UBE2T: variants seen among roughly 807,000 people sequenced by gnomAD.
The protein encoded by UBE2T is ubiquitin conjugating enzyme E2 T, also known as ubiquitin-conjugating enzyme E2 T.
A neutral mutation model predicts 23.3 loss-of-function variants in UBE2T; 15 were observed. The observed-to-expected ratio is 0.64, with a 90% confidence interval of 0.43 to 0.99. The LOEUF is 0.99. Among genes scored for constraint, UBE2T ranks in the 50% least tolerant of loss-of-function variants. The pLI, the probability that UBE2T is intolerant of heterozygous loss-of-function variation, is 0.00. For missense variants in UBE2T, 197 were observed against 234.9 expected (o/e 0.84, Z 1.05); for synonymous variants, 67 against 78.4 (o/e 0.85, Z 0.77).
intron 1 of UBE2T, among the ~76,000 whole-genome samples, chr1:202,336,474 A>G (rs75294416): frequency 6.6e-6 from 1 of 152,266 alleles, no homozygotes; most frequent in Non-Finnish European, 1.5e-5. Context: ...ACAAGCAAAT[A>G]TATTTTTAAA....
Position 202,335,632 on chromosome 1 carries a change from G to A in UBE2T, c.109+14C>T. ...GGGTCATGACTTTCATCATATACAT[G>A]ATTTGATACCTACGAGCTCGCAGGT... On this transcript the variant is annotated intron_variant, in intron 2 of 6. Transcript: ENST00000646651. This position sits in a 1 kb window ranked among gnomAD's most constrained non-coding sequence, Gnocchi z 4.0. 2.5e-6 allele frequency: 4 copies of A among 1,606,408 alleles called. No homozygotes were observed. Among genetic ancestry groups the A allele is most frequent in the Non-Finnish European group, 3.4e-6 (4 of 1,173,486 alleles).
At position 202,331,939 on chromosome 1, in the gene UBE2T, C is replaced by T. The variant is rs767237410; in HGVS notation, c.490G>A (p.Asp164Asn). 2 of 1,613,940 alleles carry T rather than the reference C, an allele frequency of 1.2e-6. No individual in the cohort carries two copies. Among genetic ancestry groups the T allele is most frequent in the African/African-American group, 2.7e-5 (2 of 74,906 alleles). ...GAGTCACCAGCCTCTGGTAGATTAT[C>T]AAGCATCTCTTCCTCATCAGCCTAA... ...KQKADEEEML[D>N]NLPEAGDSRV... The change falls in exon 7 of 7, where the codon GAT (aspartate) becomes AAT (asparagine). Residue 164 changes from aspartate (D) to asparagine (N), a missense_variant. Coordinates refer to ENST00000646651, the MANE Select transcript of UBE2T (RefSeq NM_014176.4).
chr1:202,339,241 T>C (rs1039322327), intron 1 of UBE2T, among the ~76,000 whole-genome samples: 2 of 152,094 alleles, frequency 1.3e-5, no homozygotes, highest in African/African-American at 4.8e-5. Flanking sequence ...TATTTATTCT[T>C]GCATCAATTT....
At chr1:202,336,725 T>G (rs796620481) in intron 1 of UBE2T, among the ~76,000 whole-genome samples, 1 of 152,154 alleles carries the variant, frequency 6.6e-6, no homozygotes, top group African/African-American at 2.4e-5. Flanking sequence ...CATTCTCAGG[T>G]ACAAACAAAT....
rs1431950635 is a variant in UBE2T at position 202,333,179 on chromosome 1, G to T, written c.384+58C>A. The T allele has an allele frequency of 1.9e-6, 3 of 1,605,674 alleles. No individual in the cohort carries two copies. In the Admixed American group the frequency reaches 5.0e-5, roughly 27 times the overall value. On this transcript the variant is annotated intron_variant, in intron 5 of 6. Coordinates refer to ENST00000646651, the MANE Select transcript of UBE2T (RefSeq NM_014176.4). Reference sequence around the variant, plus strand: ...TGCTGCAGCTATCCTCACACAGGGAGAGTTAGCGGTATAGACAAGGTAGGA... The same window carrying T: ...TGCTGCAGCTATCCTCACACAGGGATAGTTAGCGGTATAGACAAGGTAGGA...
In UBE2T at chr1:202,333,110, GAA is replaced by G; in HGVS notation, c.385-19_385-18del. ...TTCTGAGGACTGAGATGAAATCAAA[GAA>G]AAGAGTTAATGGAGAAAAACATGAT... On this transcript the variant is annotated intron_variant, in intron 5 of 6. Coordinates refer to ENST00000646651, the MANE Select transcript of UBE2T (RefSeq NM_014176.4). 6.2e-7 allele frequency: 1 copy of G among 1,611,094 alleles called. No individual in the cohort carries two copies. The highest frequency in any genetic ancestry group is 1.3e-5 in the African/African-American group (1 of 74,894).
Position 202,331,896 on chromosome 1 carries a change from G to T in UBE2T, c.533C>A (p.Thr178Lys). ...EAGDSRVHNS[T>K]QKRKASQLVG... ...TAGCTGACTGGCCTTCCTTTTCTGT[G>T]TTGAGTTGTGTACTCTGGAGTCACC... The change falls in exon 7 of 7, where the codon ACA becomes AAA. Residue 178 changes from threonine to lysine, a missense_variant. Transcript: ENST00000646651. 2 of 1,614,058 alleles carry T rather than the reference G, an allele frequency of 1.2e-6. No individual in the cohort carries two copies. The highest frequency in any genetic ancestry group is 1.3e-5 in the African/African-American group (1 of 75,018).
rs980133397 is a variant in UBE2T, at chr1:202,331,732, C to T, written c.*103G>A. The T allele has an allele frequency of 5.6e-6, 8 of 1,417,816 alleles. No individual in the cohort carries two copies. Among genetic ancestry groups the T allele is most frequent in the Non-Finnish European group, 7.7e-6 (8 of 1,036,708 alleles). The allele number at this position is 1,417,816 out of a possible 1,614,324, so 87.8% of individuals were successfully genotyped here. A position where few individuals can be genotyped will look rare whatever the true frequency, so the allele number is the denominator to read the frequency against. On this transcript the variant is annotated 3_prime_UTR_variant, in exon 7 of 7. Coordinates refer to ENST00000646651, the MANE Select transcript of UBE2T (RefSeq NM_014176.4). Reference sequence around the variant, plus strand: ...ATATGTACAAGATAAATAAACTACACAAAAATTATGTCATCAAATATATTT... The same window carrying T: ...ATATGTACAAGATAAATAAACTACATAAAAATTATGTCATCAAATATATTT...
At chr1:202,338,459 A>G (rs788785) in intron 1 of UBE2T, among the ~76,000 whole-genome samples, 149,732 of 152,180 alleles carry the variant, frequency 0.98, 73,702 homozygotes, top group East Asian at 1. Flanking sequence ...GACCTCAGGT[A>G]ATCCACCCAT....
intron 3 of UBE2T, 142 bp downstream of exon 3, chr1:202,334,847 A>G: frequency 1.5e-6 from 1 of 675,716 alleles, no homozygotes; most frequent in Admixed American, 3.0e-5. Flanking sequence ...AGAGAGAGAA[A>G]ATAACTTGGT....
intron 1 of UBE2T, among the ~76,000 whole-genome samples, chr1:202,339,563 G>C (rs1273602588): frequency 2.2e-5 from 3 of 135,700 alleles, no homozygotes; most frequent in African/African-American, 8.4e-5. Context: ...TCACGCCACT[G>C]CACCCCAGCC....
At chr1:202,333,648 T>C in intron 3 of UBE2T, 93 bp from the exon 4 acceptor site, 7 of 1,203,306 alleles carry the variant, frequency 5.8e-6, no homozygotes, top group Non-Finnish European at 8.1e-6. Flanking sequence ...ATTTTGGTAT[T>C]ATAGAAATGT....
At chr1:202,336,360 T>A (rs116106071) in intron 1 of UBE2T, among the ~76,000 whole-genome samples, 100 of 152,124 alleles carry the variant, frequency 6.6e-4, no homozygotes, top group African/African-American at 2.3e-3. Context: ...TAGCTGGAAG[T>A]ACAGGTGTGT....
chr1:202,340,838 CTA>C (rs1654985865), intron 1 of UBE2T, among the ~76,000 whole-genome samples: 1 of 152,248 alleles, frequency 6.6e-6, no homozygotes, highest in South Asian at 2.1e-4. Context: ...TCCAGCCTCA[CTA>C]TGTTAACCAA....
At chr1:202,336,543 T>A (rs924196102) in intron 1 of UBE2T, among the ~76,000 whole-genome samples, 1 of 152,188 alleles carries the variant, frequency 6.6e-6, no homozygotes, top group African/African-American at 2.4e-5. Flanking sequence ...AGGTTTTAAA[T>A]AATGGGTGTT....
rs1431082389 is a variant in UBE2T, at chr1:202,333,004, T to G, written c.468+6A>C. 4 of 1,587,824 alleles carry G rather than the reference T, an allele frequency of 2.5e-6. No homozygotes were observed. The Admixed American group carries it at 6.8e-5, about 27-fold the overall frequency. On this transcript the variant is annotated splice_donor_region_variant and intron_variant, in intron 6 of 6. Transcript: ENST00000646651. ...AATTAACTGACAATAGTAGCAAACA[T>G]TATACCTTTTGTTTCTGTCTTGCAT...
Position 202,333,097 on chromosome 1 carries a change from A to C in UBE2T, c.385-4T>G, listed in dbSNP as rs1156342488. On this transcript the variant is annotated splice_polypyrimidine_tract_variant and splice_region_variant and intron_variant, in intron 5 of 6. Transcript: ENST00000646651. ...TATTATATTTAAATTCTGAGGACTG[A>C]GATGAAATCAAAGAAAAGAGTTAAT... 1 of 1,612,946 alleles carries C rather than the reference A, an allele frequency of 6.2e-7. No homozygotes were observed. Among genetic ancestry groups the C allele is most frequent in the Non-Finnish European group, 8.5e-7 (1 of 1,179,148 alleles).
At chr1:202,337,358 T>A (rs1305098840) in intron 1 of UBE2T, among the ~76,000 whole-genome samples, 1 of 152,222 alleles carries the variant, frequency 6.6e-6, no homozygotes, top group East Asian at 1.9e-4. Flanking sequence ...AAAATCTCTT[T>A]CTTTACATTT....
chr1:202,333,531 G>A lies in UBE2T; in HGVS notation c.204C>T (p.Ile68=). 6.2e-7 allele frequency: 1 copy of A among 1,614,054 alleles called. No individual in the cohort carries two copies. Among genetic ancestry groups the A allele is most frequent in the Non-Finnish European group, 8.5e-7 (1 of 1,180,004 alleles). Residue 68 remains isoleucine (I), a synonymous_variant, in exon 4 of 7, where the codon ATC becomes ATT. Coordinates refer to ENST00000646651, the MANE Select transcript of UBE2T (RefSeq NM_014176.4). Reference sequence around the variant, plus strand: ...GATGATAAATTGGAGTGAGAAATCGGATCTGAGGAGGTTCAAATGGGTACC... The same window carrying A: ...GATGATAAATTGGAGTGAGAAATCGAATCTGAGGAGGTTCAAATGGGTACC... ...PERYPFEPPQ[I]RFLTPIYHPN...
Sources: gnomAD v4.1 joint callset for allele counts (sites outside exome capture counted in the v4.1 genomes callset) on GRCh38, gnomAD v4.1.1 for gene constraint, Gnocchi (gnomAD v3.1) non-coding constraint, MANE v1.5 for transcripts, NCBI Gene and HGNC (gene_info 2026-07-23, HGNC 2026-07-21) for gene names.